Variants in SRSF4 observed in about 807,000 individuals in gnomAD.
SRSF4 encodes serine and arginine rich splicing factor 4, also known as serine/arginine-rich splicing factor 4.
SRSF4 carries 12 observed loss-of-function variants against 48.8 expected under a neutral mutation model. That is an observed-to-expected ratio of 0.25 (90% CI 0.16 to 0.40). SRSF4 has a LOEUF of 0.40. SRSF4 is among the 10% of genes least tolerant of loss of function. SRSF4 has a pLI of 1.00. For missense variants in SRSF4, 466 were observed against 667.1 expected, an observed-to-expected ratio of 0.70 and a Z score of 3.32; for synonymous variants, 248 against 232.5, an observed-to-expected ratio of 1.07 and a Z score of -0.61.
intron 1 of SRSF4, among the ~76,000 whole-genome samples, chr1:29,168,060 G>C (rs1672692895): frequency 1.3e-5 from 2 of 149,552 alleles, no homozygotes; most frequent in African/African-American, 4.9e-5. Context: ...CTGTCGCGCA[G>C]GCTGCAGCGC....
intron 3 of SRSF4, among the ~76,000 whole-genome samples, chr1:29,157,215 C>T (rs1672514399): frequency 6.6e-6 from 1 of 152,014 alleles, no homozygotes; most frequent in African/African-American, 2.4e-5. Context: ...TTTCCTCCTC[C>T]CACAAGAGGC....
intron 1 of SRSF4, among the ~76,000 whole-genome samples, chr1:29,164,848 A>G (rs1672647483): frequency 1.3e-5 from 2 of 152,214 alleles, no homozygotes; most frequent in African/African-American, 4.8e-5. Flanking sequence ...CAAGTAAGAG[A>G]AGAAACTCCT....
intron 4 of SRSF4, among the ~76,000 whole-genome samples, chr1:29,153,038 G>C (rs1012684223): frequency 1.3e-5 from 2 of 152,168 alleles, no homozygotes; most frequent in Non-Finnish European, 2.9e-5. Flanking sequence ...CAGCTCTCTA[G>C]ACTAGTTGTG....
chr1:29,161,749 C>A (rs1385896259), intron 1 of SRSF4, among the ~76,000 whole-genome samples: 1 of 152,224 alleles, frequency 6.6e-6, no homozygotes, highest in African/African-American at 2.4e-5. Context: ...CAGGCGCACG[C>A]CCCCATGCCT....
chr1:29,165,716 C>T (rs1672661148), intron 1 of SRSF4, among the ~76,000 whole-genome samples: 2 of 152,226 alleles, frequency 1.3e-5, no homozygotes, highest in South Asian at 4.1e-4. Flanking sequence ...CAAGGCATGA[C>T]TAAGGGGGTG....
intron 3 of SRSF4, among the ~76,000 whole-genome samples, chr1:29,158,735 G>A (rs888619340): frequency 6.6e-6 from 1 of 152,172 alleles, no homozygotes; most frequent in East Asian, 1.9e-4. Context: ...GAGGCCAGGA[G>A]TTCGAGACCA....
intron 1 of SRSF4, among the ~76,000 whole-genome samples, chr1:29,174,924 G>C (rs1672813774): frequency 6.6e-6 from 1 of 150,884 alleles, no homozygotes; most frequent in South Asian, 2.1e-4. Context: ...TGCCAGCCTT[G>C]GCCTCCCAAA....
At chr1:29,180,497 T>C (rs565915074) in intron 1 of SRSF4, among the ~76,000 whole-genome samples, 22 of 152,374 alleles carry the variant, frequency 1.4e-4, no homozygotes, top group African/African-American at 5.3e-4. Context: ...ACCAGTTTTC[T>C]CATACGTGAA....
At chr1:29,153,339 G>C (rs1273454515) in intron 4 of SRSF4, among the ~76,000 whole-genome samples, 1 of 151,818 alleles carries the variant, frequency 6.6e-6, no homozygotes, top group Non-Finnish European at 1.5e-5. Context: ...GTAGAGATGG[G>C]GTTTCATCAC....
At chr1:29,167,880 T>C (rs968558661) in intron 1 of SRSF4, among the ~76,000 whole-genome samples, 2 of 152,164 alleles carry the variant, frequency 1.3e-5, no homozygotes, top group Non-Finnish European at 2.9e-5. Flanking sequence ...TTCTTCTCAT[T>C]TTACAATGAG....
rs573024767 is a variant in SRSF4 at position 29,156,919 on chromosome 1, A to C, written c.364-2009T>G. On this transcript the variant is annotated intron_variant, in intron 3 of 5. Transcript: ENST00000373795. ...CTGAGTACAATCACTTAGATCTAAG[A>C]AGCAGACATTCAGGACGAAACGGTG... Among the ~76,000 whole-genome samples the C allele has an allele frequency of 5.3e-5, 8 of 152,356 alleles. No homozygotes were observed. In the South Asian group the frequency reaches 1.0e-3, roughly 20 times the overall value.
intron 4 of SRSF4, among the ~76,000 whole-genome samples, chr1:29,151,506 A>C (rs1008213541): frequency 3.3e-5 from 5 of 152,148 alleles, no homozygotes; most frequent in Non-Finnish European, 7.4e-5. Context: ...CAAACAAACA[A>C]AAAAACCCAA....
At chr1:29,169,288 C>T (rs1672713710) in intron 1 of SRSF4, 1 of 152,236 alleles carries the variant, frequency 6.6e-6, no homozygotes, top group Non-Finnish European at 1.5e-5. Flanking sequence ...CTGCATTCTA[C>T]CACCACGTTT....
intron 4 of SRSF4, among the ~76,000 whole-genome samples, chr1:29,152,278 C>G (rs1334317737): frequency 6.6e-6 from 1 of 152,154 alleles, no homozygotes; most frequent in South Asian, 2.1e-4. Flanking sequence ...ACTTGCCTTA[C>G]AACAATGCAG....
At position 29,169,182 on chromosome 1, in the gene SRSF4, C is replaced by T. The variant is rs539545831; in HGVS notation, c.108-8665G>A. The stretch of plus-strand genomic sequence containing the variant: ...TTTTCACAACTCTGAGGTTTACTGT[C>T]ATCTGACAGATCAAGAAACTAACTT... On this transcript the variant is annotated intron_variant, in intron 1 of 5. Coordinates refer to ENST00000373795, the MANE Select transcript of SRSF4 (RefSeq NM_005626.5). 2.0e-5 allele frequency: 3 copies of T among 152,322 alleles called. No homozygotes were observed. In the South Asian group the frequency reaches 6.2e-4, roughly 32 times the overall value. 9.4% of individuals were successfully genotyped at this position (152,322 alleles called of 1,614,324 possible).
At chr1:29,169,095 T>A (rs1412768494) in intron 1 of SRSF4, 2 of 152,278 alleles carry the variant, frequency 1.3e-5, no homozygotes, top group East Asian at 3.8e-4. Context: ...CTCCTATTTT[T>A]GAAAGTTTTA....
intron 1 of SRSF4, among the ~76,000 whole-genome samples, chr1:29,178,269 C>G (rs1343841576): frequency 6.6e-6 from 1 of 151,830 alleles, no homozygotes; most frequent in Non-Finnish European, 1.5e-5. Context: ...TCTACTGATA[C>G]ATCTCACTTC....
At chr1:29,177,607 G>A (rs1347369116) in intron 1 of SRSF4, among the ~76,000 whole-genome samples, 1 of 151,890 alleles carries the variant, frequency 6.6e-6, no homozygotes, top group Non-Finnish European at 1.5e-5. Flanking sequence ...GAAGTTTATG[G>A]GGCGGGTAGA....
chr1:29,162,241 G>A (rs550204274), intron 1 of SRSF4, among the ~76,000 whole-genome samples: 1 of 152,286 alleles, frequency 6.6e-6, no homozygotes, highest in African/African-American at 2.4e-5. Context: ...GAATTGCTGA[G>A]CAGCTTAATA....
Sources: gnomAD v4.1 joint callset for allele counts (sites outside exome capture counted in the v4.1 genomes callset) on GRCh38, gnomAD v4.1.1 for gene constraint, MANE v1.5 for transcripts, NCBI Gene and HGNC (gene_info 2026-07-23, HGNC 2026-07-21) for gene names.